Variants in PTPRN2 observed in about 807,000 individuals in gnomAD.
The protein encoded by PTPRN2 is receptor-type tyrosine-protein phosphatase N2.
In PTPRN2, 74 loss-of-function variants were observed where a neutral mutation model predicts 118.8. That is an observed-to-expected ratio of 0.62 (90% CI 0.52 to 0.76). PTPRN2 has a LOEUF of 0.76. Ranked by LOEUF, PTPRN2 falls within the 30% of genes least tolerant of loss-of-function variation. PTPRN2 has a pLI of 0.00. For synonymous variants in PTPRN2, 641 were observed against 608.0 expected (o/e 1.05, Z -0.80); for missense variants, 1,481 against 1,394.4 (o/e 1.06, Z -0.99).
At chr7:157,689,464 T>G (rs1797362627) in intron 12 of PTPRN2, among the ~76,000 whole-genome samples, 1 of 152,068 alleles carries the variant, frequency 6.6e-6, no homozygotes, top group Non-Finnish European at 1.5e-5. Context: ...CTCCCAGCCG[T>G]CCAGCCCGCA....
chr7:158,175,339 G>A (rs1438282115), intron 5 of PTPRN2, among the ~76,000 whole-genome samples: 2 of 152,160 alleles, frequency 1.3e-5, no homozygotes, highest in South Asian at 4.1e-4. Flanking sequence ...AGGTGGGAAC[G>A]CTGCAGCTCC....
At chr7:157,826,975 T>G (rs1458837112) in intron 12 of PTPRN2, among the ~76,000 whole-genome samples, 1 of 152,144 alleles carries the variant, frequency 6.6e-6, no homozygotes, top group Non-Finnish European at 1.5e-5. Flanking sequence ...TCCAAATGTC[T>G]TCAAGTTGTC....
At chr7:158,367,412 T>C (rs1374577703) in intron 2 of PTPRN2, among the ~76,000 whole-genome samples, 1 of 152,142 alleles carries the variant, frequency 6.6e-6, no homozygotes, top group African/African-American at 2.4e-5. Flanking sequence ...TACTCAGATA[T>C]CCTCACTGGT....
rs1473674006 is a variant in PTPRN2 at position 158,509,896 on chromosome 7, G to A, written c.113-20111C>T. Among the ~76,000 whole-genome samples, 2 of 152,230 alleles carry A rather than the reference G, an allele frequency of 1.3e-5. No homozygotes were observed. Among genetic ancestry groups the A allele is most frequent in the East Asian group, 3.8e-4 (2 of 5,196 alleles). ...TTCCACCCGGCAAGCACCAACTCAAGGATGTTCATGGCCCTCAAATGTACA... is the reference window on the plus strand; with the variant it reads ...TTCCACCCGGCAAGCACCAACTCAAAGATGTTCATGGCCCTCAAATGTACA... On this transcript the variant is annotated intron_variant, in intron 1 of 22. Coordinates refer to ENST00000389418, the MANE Select transcript of PTPRN2 (RefSeq NM_002847.5). The surrounding 1 kb of genome is among the most constrained non-coding windows in gnomAD (Gnocchi z 4.4).
At chr7:158,322,493 G>A (rs1803112039) in intron 2 of PTPRN2, among the ~76,000 whole-genome samples, 1 of 151,614 alleles carries the variant, frequency 6.6e-6, no homozygotes, top group Non-Finnish European at 1.5e-5. Flanking sequence ...TGGGCGACGG[G>A]GAGGGAGCAG....
rs1182734248 is a variant in PTPRN2 at position 158,336,690 on chromosome 7, C to T, written c.164-19758G>A. On this transcript the variant is annotated intron_variant, in intron 2 of 22. Transcript: ENST00000389418. ...CACTCTCACCATAAGAGCTGACGCC[C>T]GCAGACGTCACTCACACCCACACTC... is the stretch of plus-strand genomic sequence containing the variant. Among the ~76,000 whole-genome samples the T allele has an allele frequency of 2.8e-4, 36 of 127,364 alleles. 1 individual carries two copies. The highest frequency in any genetic ancestry group is 9.4e-4 in the African/African-American group (32 of 33,910). The allele number at this position is 127,364 out of a possible 152,430, so 83.6% of individuals were successfully genotyped here. A position where few individuals can be genotyped will look rare whatever the true frequency, so the allele number is the denominator to read the frequency against.
At chr7:157,804,651 T>C (rs1805517260) in intron 12 of PTPRN2, among the ~76,000 whole-genome samples, 4 of 152,088 alleles carry the variant, frequency 2.6e-5, no homozygotes, top group Admixed American at 1.3e-4. Flanking sequence ...ATACACACAC[T>C]TGCACACACA....
chr7:157,643,581 C>G (rs985572438), intron 14 of PTPRN2, among the ~76,000 whole-genome samples: 1 of 152,192 alleles, frequency 6.6e-6, no homozygotes, highest in Admixed American at 6.5e-5. Flanking sequence ...ACCCACGGCC[C>G]GGGCATCCCA....
chr7:158,523,917 G>A (rs370537126), intron 1 of PTPRN2, among the ~76,000 whole-genome samples: 5 of 28,798 alleles, frequency 1.7e-4, no homozygotes, highest in East Asian at 5.0e-3. Flanking sequence ...GGAGTCATCT[G>A]CCCTGGAGCG....
chr7:158,470,696 T>C (rs558583791), intron 2 of PTPRN2, among the ~76,000 whole-genome samples: 9 of 152,126 alleles, frequency 5.9e-5, no homozygotes, highest in African/African-American at 2.2e-4. Flanking sequence ...AAGGAACAAA[T>C]GTATACAGTG....
chr7:157,696,592 T>C (rs1797787562), intron 12 of PTPRN2, among the ~76,000 whole-genome samples: 1 of 141,060 alleles, frequency 7.1e-6, no homozygotes, highest in African/African-American at 2.7e-5. Flanking sequence ...TACCCATGCA[T>C]ACTGGATCTT....
At chr7:158,079,093 T>C (rs1812602062) in intron 11 of PTPRN2, among the ~76,000 whole-genome samples, 1 of 152,206 alleles carries the variant, frequency 6.6e-6, no homozygotes, top group African/African-American at 2.4e-5. Context: ...CCCGCCCACC[T>C]TGGCCTCCTA....
intron 3 of PTPRN2, among the ~76,000 whole-genome samples, chr7:158,270,874 C>A (rs1185220009): frequency 2.6e-5 from 2 of 76,292 alleles, no homozygotes; most frequent in East Asian, 6.6e-4. Flanking sequence ...GGACCGCCCC[C>A]TCCACCTGGA....
chr7:157,592,680 G>T (rs891938260), intron 17 of PTPRN2, among the ~76,000 whole-genome samples: 2 of 151,118 alleles, frequency 1.3e-5, no homozygotes, highest in African/African-American at 2.4e-5. Context: ...GCTGAACCGA[G>T]GGTGGATGTG....
At chr7:158,378,818 A>C (rs187236315) in intron 2 of PTPRN2, among the ~76,000 whole-genome samples, 1 of 152,358 alleles carries the variant, frequency 6.6e-6, no homozygotes, top group Non-Finnish European at 1.5e-5. Context: ...CAGCACTGGT[A>C]TTAGTAATAG....
At chr7:158,104,594 G>A (rs777670908) in intron 10 of PTPRN2, among the ~76,000 whole-genome samples, 10 of 152,100 alleles carry the variant, frequency 6.6e-5, no homozygotes, top group Admixed American at 3.3e-4. Context: ...AGAGCTTGAG[G>A]AAGAGCCAAC....
intron 11 of PTPRN2, among the ~76,000 whole-genome samples, chr7:157,965,979 T>C (rs1018254080): frequency 1.3e-5 from 2 of 152,168 alleles, no homozygotes; most frequent in African/African-American, 4.8e-5. Context: ...AAAGCATGCA[T>C]GGGGCACTGG....
intron 2 of PTPRN2, among the ~76,000 whole-genome samples, chr7:158,388,145 C>G (rs1340451292): frequency 6.6e-6 from 1 of 152,134 alleles, no homozygotes; most frequent in Non-Finnish European, 1.5e-5. Flanking sequence ...GTCGGCTTCA[C>G]TCTGCAGGTC....
chr7:158,176,635 G>A (rs937644307), intron 5 of PTPRN2, among the ~76,000 whole-genome samples: 1 of 152,176 alleles, frequency 6.6e-6, no homozygotes, highest in African/African-American at 2.4e-5. Flanking sequence ...AGGACTGTCT[G>A]GGAGGAAACC....
Sources: gnomAD v4.1 joint callset for allele counts (sites outside exome capture counted in the v4.1 genomes callset) on GRCh38, gnomAD v4.1.1 for gene constraint, Gnocchi (gnomAD v3.1) non-coding constraint, MANE v1.5 for transcripts, NCBI Gene and HGNC (gene_info 2026-07-23, HGNC 2026-07-21) for gene names.